Variants in WDSUB1 observed in about 807,000 individuals in gnomAD.
WDSUB1 encodes the protein WD repeat, sterile alpha motif and U-box domain containing 1.
A neutral mutation model predicts 53.9 loss-of-function variants in WDSUB1; 49 were observed. The ratio of observed to expected loss-of-function variants is 0.91; its 90% CI spans 0.72 to 1.15. The LOEUF is 1.15. Ranked by LOEUF, WDSUB1 falls within the 50% of genes most tolerant of loss-of-function variation. The pLI, the probability that WDSUB1 is intolerant of heterozygous loss-of-function variation, is 0.00. For missense variants in WDSUB1, 514 were observed against 562.0 expected (o/e 0.91, Z 0.86); for synonymous variants, 194 against 200.6 (o/e 0.97, Z 0.28).
chr2:159,248,534 G>A, intron 9 of WDSUB1, 22 bp from the exon 10 acceptor site: 1 of 1,478,104 alleles, frequency 6.8e-7, no homozygotes, highest in Non-Finnish European at 8.9e-7. Flanking sequence ...TTACTGTTAG[G>A]GCTGGATAAC....
intron 5 of WDSUB1, among the ~76,000 whole-genome samples, chr2:159,265,293 CCACA>C (rs75210001): frequency 0.35 from 52,583 of 149,288 alleles, 10,598 homozygotes; most frequent in East Asian, 0.64. Flanking sequence ...AGCACACACA[CCACA>C]CACACACACA....
chr2:159,283,028 A>G lies in WDSUB1; in HGVS notation c.42T>C (p.Asp14=). ...AAAAGGAGAAGGCACAGCAGTTGAC[A>G]TCGTCACCATGATCAGCTAATGTGT... The part of the protein sequence containing the change: ...LIHTLADHGD[D]VNCCAFSFSL... Residue 14 remains aspartate (D), a synonymous_variant, in exon 2 of 11, where the codon GAT becomes GAC. Transcript: ENST00000359774. The G allele has an allele frequency of 1.2e-6, 2 of 1,614,014 alleles. No individual in the cohort carries two copies. The highest frequency in any genetic ancestry group is 8.5e-7 in the Non-Finnish European group (1 of 1,179,874).
intron 2 of WDSUB1, among the ~76,000 whole-genome samples, chr2:159,280,466 C>G (rs1459126861): frequency 6.6e-6 from 1 of 151,490 alleles, no homozygotes; most frequent in Non-Finnish European, 1.5e-5. Context: ...CCGAGGCGGG[C>G]GGATCACGAG....
At position 159,248,598 on chromosome 2, in the gene WDSUB1, A is replaced by C. The variant is rs114658432; in HGVS notation, c.1133-86T>G. ...ACCAGTAATCCTTATTCACAAATAG[A>C]GTTTGTTGTTGGGGTTGATTTTGAG... is the stretch of plus-strand genomic sequence containing the variant. On this transcript the variant is annotated intron_variant, in intron 9 of 10. Transcript: ENST00000359774. 8.4e-4 allele frequency: 1,153 copies of C among 1,368,820 alleles called. 1 individual carries two copies. Among genetic ancestry groups the C allele is most frequent in the Admixed American group, 1.4e-3 (50 of 34,606 alleles). 84.8% of individuals were successfully genotyped at this position (1,368,820 alleles called of 1,614,324 possible). A position where few individuals can be genotyped will look rare whatever the true frequency, so the allele number is the denominator to read the frequency against.
At chr2:159,267,160 T>G (rs2061362046) in intron 5 of WDSUB1, among the ~76,000 whole-genome samples, 1 of 152,216 alleles carries the variant, frequency 6.6e-6, no homozygotes, top group Admixed American at 6.5e-5. Context: ...CATTTTGATC[T>G]ACTCAAGAAT....
At chr2:159,268,451 CA>C (rs1263027632) in intron 5 of WDSUB1, among the ~76,000 whole-genome samples, 1 of 152,184 alleles carries the variant, frequency 6.6e-6, no homozygotes, top group Non-Finnish European at 1.5e-5. Context: ...CTTTAGAGAT[CA>C]AACAGCCACA....
At chr2:159,276,708 C>T (rs1000512778) in intron 3 of WDSUB1, among the ~76,000 whole-genome samples, 1 of 152,170 alleles carries the variant, frequency 6.6e-6, no homozygotes, top group Admixed American at 6.5e-5. Flanking sequence ...TTTTGGCACT[C>T]ATATGCAGTA....
At chr2:159,281,662 A>G (rs1171440132) in intron 2 of WDSUB1, among the ~76,000 whole-genome samples, 4 of 149,430 alleles carry the variant, frequency 2.7e-5, no homozygotes, top group Non-Finnish European at 6.0e-5. Flanking sequence ...GCTGAGCTTT[A>G]CATACTATTA....
intron 10 of WDSUB1, among the ~76,000 whole-genome samples, chr2:159,243,297 G>A (rs1398307391): frequency 6.8e-6 from 1 of 147,636 alleles, no homozygotes; most frequent in African/African-American, 2.6e-5. Flanking sequence ...GTTTCCAGGG[G>A]CTGGGGTCGG....
rs1575460900 is a variant in WDSUB1, at chr2:159,259,702, C to T, written c.804+108G>A. ...TTGTGAAAATATTTATGTTCTTAGT[C>T]ATACTAAACAGAAAAAATATATACT... On this transcript the variant is annotated intron_variant, in intron 6 of 10. Coordinates refer to ENST00000359774, the MANE Select transcript of WDSUB1 (RefSeq NM_001128212.3). The T allele has an allele frequency of 1.2e-5, 14 of 1,190,530 alleles. No individual in the cohort carries two copies. In the East Asian group the frequency reaches 3.9e-4, roughly 33 times the overall value. The allele number at this position is 1,190,530 out of a possible 1,614,324, so 73.7% of individuals were successfully genotyped here. A position where few individuals can be genotyped will look rare whatever the true frequency, so the allele number is the denominator to read the frequency against.
At chr2:159,265,293 C>CA (rs1457302879) in intron 5 of WDSUB1, among the ~76,000 whole-genome samples, 3 of 149,360 alleles carry the variant, frequency 2.0e-5, no homozygotes, top group Non-Finnish European at 4.5e-5. Flanking sequence ...AGCACACACA[C>CA]CACACACACA....
intron 5 of WDSUB1, among the ~76,000 whole-genome samples, chr2:159,269,165 ATTTTT>A (rs11324784): frequency 9.2e-6 from 1 of 108,316 alleles, no homozygotes. Flanking sequence ...CTTTCCACAG[ATTTTT>A]TTTTTTTTTT....
In WDSUB1 at chr2:159,256,316, A is replaced by C. The variant is rs199713412; in HGVS notation, c.1012T>G (p.Ser338Ala). 5 of 1,612,422 alleles carry C rather than the reference A, an allele frequency of 3.1e-6. No homozygotes were observed. Among genetic ancestry groups the C allele is most frequent in the Non-Finnish European group, 4.2e-6 (5 of 1,179,524 alleles). ...FTEDWSEEDV[S>A]TWLCAQDLKD... ...AAATCTTGTGCACAAAGCCATGTTG[A>C]GACATCCTCCTCTGACCAATCTTCG... Residue 338 changes from serine to alanine, a missense_variant, in exon 9 of 11, where the codon TCA (serine) becomes GCA (alanine). Ser to Ala is a moderately conservative substitution (Grantham distance 99). Coordinates refer to ENST00000359774, the MANE Select transcript of WDSUB1 (RefSeq NM_001128212.3).
At chr2:159,247,830 A>G (rs2060834042) in intron 10 of WDSUB1, among the ~76,000 whole-genome samples, 1 of 142,272 alleles carries the variant, frequency 7.0e-6, no homozygotes, top group Admixed American at 7.6e-5. Context: ...CAAAGTCAAC[A>G]TAGACTAAGC....
At chr2:159,280,413 C>T (rs1001080975) in intron 2 of WDSUB1, among the ~76,000 whole-genome samples, 4 of 152,024 alleles carry the variant, frequency 2.6e-5, no homozygotes, top group Admixed American at 6.5e-5. Context: ...CAGAAGTGGC[C>T]GGGCGCGGTG....
chr2:159,266,225 G>A (rs1377046640), intron 5 of WDSUB1, among the ~76,000 whole-genome samples: 1 of 151,874 alleles, frequency 6.6e-6, no homozygotes, highest in East Asian at 1.9e-4. Context: ...GTCTTGCTCT[G>A]TCGCCCAGGC....
intron 4 of WDSUB1, among the ~76,000 whole-genome samples, chr2:159,275,094 AGATGAAT>A (rs2061513401): frequency 6.6e-6 from 1 of 152,216 alleles, no homozygotes; most frequent in Non-Finnish European, 1.5e-5. Flanking sequence ...GTAAAAAGAG[AGATGAAT>A]TAAAGAAATA....
At chr2:159,255,308 A>T (rs1184318365) in intron 9 of WDSUB1, among the ~76,000 whole-genome samples, 1 of 151,944 alleles carries the variant, frequency 6.6e-6, no homozygotes, top group Non-Finnish European at 1.5e-5. Flanking sequence ...TTTACTAAAA[A>T]TATAAAAAAT....
At chr2:159,249,583 TG>T (rs1575442527) in intron 9 of WDSUB1, among the ~76,000 whole-genome samples, 1 of 152,340 alleles carries the variant, frequency 6.6e-6, no homozygotes, top group East Asian at 1.9e-4. Context: ...TGAGGATGTC[TG>T]AAAACATCCT....
Sources: allele counts gnomAD v4.1 joint callset (sites outside exome capture counted in the v4.1 genomes callset), GRCh38; gene constraint gnomAD v4.1.1; transcripts MANE v1.5; gene names NCBI Gene and HGNC (gene_info 2026-07-23, HGNC 2026-07-21).